STAT4: variants seen among roughly 807,000 people sequenced by gnomAD.
The protein encoded by STAT4 is signal transducer and activator of transcription 4.
Under a neutral mutation model 110.5 loss-of-function variants are expected in STAT4, and 42 were observed. The ratio of observed to expected loss-of-function variants is 0.38; its 90% CI spans 0.30 to 0.49. STAT4 has a LOEUF of 0.49. STAT4 is among the 20% of genes least tolerant of loss of function. STAT4 has a pLI of 0.95. For missense variants in STAT4, 632 were observed against 887.9 expected (o/e 0.71, Z 3.66); for synonymous variants, 284 against 302.2 (o/e 0.94, Z 0.63).
At position 191,066,354 on chromosome 2, in the gene STAT4, G is replaced by A; in HGVS notation, c.630+76C>T. The A allele has an allele frequency of 7.7e-7, 1 of 1,290,616 alleles. No individual in the cohort carries two copies. Among genetic ancestry groups the A allele is most frequent in the Non-Finnish European group, 1.1e-6 (1 of 902,794 alleles). 79.9% of individuals were successfully genotyped at this position (1,290,616 alleles called of 1,614,324 possible). On this transcript the variant is annotated intron_variant, in intron 7 of 23. Coordinates refer to ENST00000392320, the MANE Select transcript of STAT4 (RefSeq NM_003151.4). This position sits in a 1 kb window ranked among gnomAD's most constrained non-coding sequence, Gnocchi z 4.3. Reference sequence around the variant, plus strand: ...TGGAACTGATAAAATCTGACAGCTTGATTATTTTCAGTTAGTCTAAGTTTA... The same window carrying A: ...TGGAACTGATAAAATCTGACAGCTTAATTATTTTCAGTTAGTCTAAGTTTA...
At position 191,039,252 on chromosome 2, in the gene STAT4, G is replaced by A. The variant is rs1198519440; in HGVS notation, c.1381C>T (p.Pro461Ser). The A allele has an allele frequency of 6.2e-7, 1 of 1,614,194 alleles. No homozygotes were observed. Among genetic ancestry groups the A allele is most frequent in the Non-Finnish European group, 8.5e-7 (1 of 1,180,012 alleles). ...VVMISNVSQL[P>S]NAWASIIWYN... ...CAAATGATGGATGCCCAAGCATTAG[G>A]TAACTGACTGACATTGGAAATCATC... Residue 461 changes from proline (P) to serine (S), a missense_variant, in exon 16 of 24, where the codon CCT becomes TCT. Physicochemically the swap from Pro to Ser is moderately conservative, Grantham distance 74. Coordinates refer to ENST00000392320, the MANE Select transcript of STAT4 (RefSeq NM_003151.4). This position sits in a 1 kb window ranked among gnomAD's most constrained non-coding sequence, Gnocchi z 4.7.
Position 191,060,325 on chromosome 2 carries a change from A to G in STAT4, c.1034+1404T>C, listed in dbSNP as rs1213162330. 1.3e-5 allele frequency among the ~76,000 whole-genome samples: 2 copies of G among 152,266 alleles called. No homozygotes were observed. Among genetic ancestry groups the G allele is most frequent in the Non-Finnish European group, 2.9e-5 (2 of 68,052 alleles). On this transcript the variant is annotated intron_variant, in intron 10 of 23. Coordinates refer to ENST00000392320, the MANE Select transcript of STAT4 (RefSeq NM_003151.4). The surrounding 1 kb of genome is among the most constrained non-coding windows in gnomAD (Gnocchi z 4.5). ...AAAGTAGAATGTCCACCACTTCTCC[A>G]TCTTATTTCACTCTCCTCCGAGTTA...
intron 3 of STAT4, among the ~76,000 whole-genome samples, chr2:191,087,522 C>T (rs190085612): frequency 1.3e-5 from 2 of 152,196 alleles, no homozygotes; most frequent in Admixed American, 6.5e-5. Flanking sequence ...TCCCACTACC[C>T]CATCCAGGAC....
rs1418043909 is a variant in STAT4, at chr2:191,150,522, C to G, written c.-2+425G>C. Among the ~76,000 whole-genome samples, 1 of 152,210 alleles carries G rather than the reference C, an allele frequency of 6.6e-6. No individual in the cohort carries two copies. ...AGATGACCTGCCCTAAAATGTCACT[C>G]GCGCCCATCAAAGCCACAGTCACCG... On this transcript the variant is annotated intron_variant, in intron 1 of 23. Coordinates refer to ENST00000392320, the MANE Select transcript of STAT4 (RefSeq NM_003151.4). The surrounding 1 kb of genome is among the most constrained non-coding windows in gnomAD (Gnocchi z 6.4).
chr2:191,125,659 T>A lies in STAT4; in HGVS notation c.273+20954A>T, dbSNP rs561637984. On this transcript the variant is annotated intron_variant, in intron 3 of 23. Coordinates refer to ENST00000392320, the MANE Select transcript of STAT4 (RefSeq NM_003151.4). ...TACGCACGCTACCATGCCCAACTAA[T>A]TTTTTGTAGAGATAGGGTCTCACTA... 8.6e-5 allele frequency among the ~76,000 whole-genome samples: 13 copies of A among 151,972 alleles called. No individual in the cohort carries two copies. The East Asian group carries it at 1.7e-3, about 20-fold the overall frequency.
At chr2:191,054,126 C>CAAAAAAAAAAAAA (rs1351116378) in intron 14 of STAT4, among the ~76,000 whole-genome samples, 1 of 51,808 alleles carries the variant, frequency 1.9e-5, no homozygotes, top group East Asian at 6.2e-4. Flanking sequence ...AGACCCTTCT[C>CAAAAAAAAAAAAA]AAAAAAAAAA....
At chr2:191,149,966 G>A (rs1699553689) in intron 1 of STAT4, among the ~76,000 whole-genome samples, 1 of 152,134 alleles carries the variant, frequency 6.6e-6, no homozygotes. Flanking sequence ...ATAACTTAGT[G>A]TATATTTTCA....
At chr2:191,087,841 G>A (rs1424775975) in intron 3 of STAT4, among the ~76,000 whole-genome samples, 2 of 151,796 alleles carry the variant, frequency 1.3e-5, no homozygotes, top group African/African-American at 2.4e-5. Flanking sequence ...AAAAGCAATT[G>A]ACTTTCATGA....
chr2:191,100,644 G>T (rs1698126078), intron 3 of STAT4, among the ~76,000 whole-genome samples: 1 of 151,938 alleles, frequency 6.6e-6, no homozygotes, highest in Non-Finnish European at 1.5e-5. Flanking sequence ...AAATGTATTT[G>T]TCTCATCCCC....
In STAT4 at chr2:191,046,658, A is replaced by T. The variant is rs929770802; in HGVS notation, c.1252-5510T>A. ...TGGTTGAAGGAAAACTTTCGGAGTG[A>T]GGTGCTATGATATTGTGATATAATA... On this transcript the variant is annotated intron_variant, in intron 14 of 23. Coordinates refer to ENST00000392320, the MANE Select transcript of STAT4 (RefSeq NM_003151.4). The surrounding 1 kb of genome is among the most constrained non-coding windows in gnomAD (Gnocchi z 4.6). Among the ~76,000 whole-genome samples, 15 of 152,264 alleles carry T rather than the reference A, an allele frequency of 9.9e-5. No individual in the cohort carries two copies. Among genetic ancestry groups the T allele is most frequent in the African/African-American group, 3.6e-4 (15 of 41,548 alleles).
intron 3 of STAT4, among the ~76,000 whole-genome samples, chr2:191,097,221 A>G (rs1287331304): frequency 4.6e-5 from 7 of 152,236 alleles, no homozygotes; most frequent in Admixed American, 4.6e-4. Flanking sequence ...ATTCAATGCC[A>G]TCCCCATCAA....
At position 191,135,851 on chromosome 2, in the gene STAT4, A is replaced by C. The variant is rs1699164745; in HGVS notation, c.273+10762T>G. 6.6e-6 allele frequency among the ~76,000 whole-genome samples: 1 copy of C among 152,162 alleles called. No individual in the cohort carries two copies. Among genetic ancestry groups the C allele is most frequent in the African/African-American group, 2.4e-5 (1 of 41,436 alleles). On this transcript the variant is annotated intron_variant, in intron 3 of 23. Coordinates refer to ENST00000392320, the MANE Select transcript of STAT4 (RefSeq NM_003151.4). This position sits in a 1 kb window ranked among gnomAD's most constrained non-coding sequence, Gnocchi z 4.8. ...ATTCCAAAAAATTGAAGAGGAAGAA[A>C]TTCTCCCTAGCTCGTTCTATGCCAG...
intron 3 of STAT4, among the ~76,000 whole-genome samples, chr2:191,123,409 G>T (rs1313570227): frequency 6.6e-6 from 1 of 152,082 alleles, no homozygotes; most frequent in African/African-American, 2.4e-5. Context: ...CAGAGGTTTA[G>T]TGTCTCCCTC....
chr2:191,126,119 A>G (rs917545194), intron 3 of STAT4, among the ~76,000 whole-genome samples: 1 of 152,214 alleles, frequency 6.6e-6, no homozygotes, highest in Admixed American at 6.5e-5. Flanking sequence ...ACTGATTTGG[A>G]TTATACTGAC....
chr2:191,125,476 TTTATTATTA>T (rs6147087), intron 3 of STAT4, among the ~76,000 whole-genome samples: 1 of 138,002 alleles, frequency 7.2e-6, no homozygotes, highest in Non-Finnish European at 1.5e-5. Context: ...ATCCTCATTA[TTTATTATTA>T]TTATTATTAT....
rs778746717 is a variant in STAT4, at chr2:191,064,799, C to G, written c.782+8G>C. The G allele has an allele frequency of 1.2e-6, 2 of 1,603,870 alleles. No homozygotes were observed. Among genetic ancestry groups the G allele is most frequent in the East Asian group, 4.5e-5 (2 of 44,370 alleles). On this transcript the variant is annotated splice_region_variant and intron_variant, in intron 8 of 23. Transcript: ENST00000392320. Reference sequence around the variant, plus strand: ...TTTTCACTAGAAACTGCAGTCGATTCGTTTTACCAGTTCTGAAGCTGGTCG... The same window carrying G: ...TTTTCACTAGAAACTGCAGTCGATTGGTTTTACCAGTTCTGAAGCTGGTCG...
At position 191,060,180 on chromosome 2, in the gene STAT4, G is replaced by A. The variant is rs1167825104; in HGVS notation, c.1035-1411C>T. On this transcript the variant is annotated intron_variant, in intron 10 of 23. Coordinates refer to ENST00000392320, the MANE Select transcript of STAT4 (RefSeq NM_003151.4). This position sits in a 1 kb window ranked among gnomAD's most constrained non-coding sequence, Gnocchi z 4.5. ...TCAGTTCACACAACATGCAAGTGGT[G>A]CTGATTCAGAGTGCCTCTTCCACTT... Among the ~76,000 whole-genome samples, 1 of 152,150 alleles carries A rather than the reference G, an allele frequency of 6.6e-6. No individual in the cohort carries two copies. The highest frequency in any genetic ancestry group is 1.5e-5 in the Non-Finnish European group (1 of 68,036).
chr2:191,085,537 G>A (rs1697613540), intron 3 of STAT4, among the ~76,000 whole-genome samples: 1 of 151,976 alleles, frequency 6.6e-6, no homozygotes, highest in Non-Finnish European at 1.5e-5. Context: ...TAATTATTAT[G>A]TAAAATTGTT....
chr2:191,091,759 A>G lies in STAT4; in HGVS notation c.274-15434T>C, dbSNP rs1697801564. Among the ~76,000 whole-genome samples the G allele has an allele frequency of 6.6e-6, 1 of 152,222 alleles. No individual in the cohort carries two copies. Among genetic ancestry groups the G allele is most frequent in the Non-Finnish European group, 1.5e-5 (1 of 68,052 alleles). On this transcript the variant is annotated intron_variant, in intron 3 of 23. Transcript: ENST00000392320. The surrounding 1 kb of genome is among the most constrained non-coding windows in gnomAD (Gnocchi z 5.4). ...ATGCTGTCATCCTGAGTATACAGCT[A>G]GGTAAACTGAGATAAAGAACTGTTA...
Sources: allele counts gnomAD v4.1 joint callset (sites outside exome capture counted in the v4.1 genomes callset), GRCh38; gene constraint gnomAD v4.1.1; non-coding constraint Gnocchi (gnomAD v3.1); transcripts MANE v1.5; gene names NCBI Gene and HGNC (gene_info 2026-07-23, HGNC 2026-07-21).